The following EPB41L4A variants were observed in gnomAD, a reference collection of about 807,000 sequenced individuals.
The protein encoded by EPB41L4A is erythrocyte membrane protein band 4.1 like 4A.
EPB41L4A carries 100 observed loss-of-function variants against 108.6 expected under a neutral mutation model. The ratio of observed to expected loss-of-function variants is 0.92; its 90% CI spans 0.78 to 1.09. EPB41L4A has a LOEUF of 1.09. Ranked by LOEUF, EPB41L4A falls within the 50% of genes least tolerant of loss-of-function variation. The probability of loss-of-function intolerance (pLI) is 0.00; values close to 1 mark genes in which losing one functional copy is unlikely to be tolerated. For synonymous variants in EPB41L4A, 319 were observed against 289.0 expected, an observed-to-expected ratio of 1.10 and a Z score of -1.05; for missense variants, 1,030 against 842.7, an observed-to-expected ratio of 1.22 and a Z score of -2.75.
intron 2 of EPB41L4A, among the ~76,000 whole-genome samples, chr5:112,302,820 C>A (rs893807357): frequency 6.6e-6 from 1 of 152,194 alleles, no homozygotes; most frequent in Non-Finnish European, 1.5e-5. Context: ...ACACATTCGT[C>A]AGCAGGAAAC....
intron 1 of EPB41L4A, among the ~76,000 whole-genome samples, chr5:112,328,713 C>T (rs1465710372): frequency 6.6e-6 from 1 of 152,150 alleles, no homozygotes; most frequent in Non-Finnish European, 1.5e-5. Flanking sequence ...CACTTTTATT[C>T]CTGAAATGGC....
At chr5:112,192,709 T>C (rs1303005200) in intron 17 of EPB41L4A, among the ~76,000 whole-genome samples, 1 of 152,354 alleles carries the variant, frequency 6.6e-6, no homozygotes, top group Non-Finnish European at 1.5e-5. Context: ...AATTATTTGA[T>C]GGCAACCTTT....
chr5:112,394,266 A>C (rs916257494), intron 1 of EPB41L4A, among the ~76,000 whole-genome samples: 1 of 152,204 alleles, frequency 6.6e-6, no homozygotes, highest in Non-Finnish European at 1.5e-5. Flanking sequence ...AGAGAAATAA[A>C]AGGTATTCAA....
intron 2 of EPB41L4A, among the ~76,000 whole-genome samples, chr5:112,304,339 A>C (rs1754557907): frequency 2.6e-5 from 4 of 152,168 alleles, no homozygotes; most frequent in Admixed American, 2.6e-4. Flanking sequence ...CATTAAAGTA[A>C]GACATAACTA....
chr5:112,362,076 T>C (rs556243508), intron 1 of EPB41L4A, among the ~76,000 whole-genome samples: 2 of 152,230 alleles, frequency 1.3e-5, no homozygotes, highest in East Asian at 3.9e-4. Flanking sequence ...CCATTTTAAG[T>C]ATGTAACACA....
intron 9 of EPB41L4A, among the ~76,000 whole-genome samples, chr5:112,248,838 A>C (rs1483520495): frequency 6.6e-6 from 1 of 152,078 alleles, no homozygotes; most frequent in Admixed American, 6.6e-5. Context: ...GCCTAGTCCC[A>C]TTTCAGTGCC....
chr5:112,300,450 T>C (rs1212505842), intron 2 of EPB41L4A, among the ~76,000 whole-genome samples: 2 of 152,202 alleles, frequency 1.3e-5, no homozygotes, highest in African/African-American at 4.8e-5. Context: ...ATAATTGTTT[T>C]GTTTAAGGAG....
At chr5:112,386,730 G>C (rs943349241) in intron 1 of EPB41L4A, among the ~76,000 whole-genome samples, 2 of 152,198 alleles carry the variant, frequency 1.3e-5, no homozygotes, top group Admixed American at 6.5e-5. Context: ...TTAGGTTACA[G>C]ATTCAGTCAT....
intron 4 of EPB41L4A, among the ~76,000 whole-genome samples, chr5:112,267,523 A>AC (rs1751948429): frequency 6.6e-6 from 1 of 152,006 alleles, no homozygotes; most frequent in Non-Finnish European, 1.5e-5. Context: ...AGTAAATGGC[A>AC]CCCCCGCCTT....
intron 1 of EPB41L4A, among the ~76,000 whole-genome samples, chr5:112,345,133 G>A (rs1182539670): frequency 6.6e-6 from 1 of 152,130 alleles, no homozygotes; most frequent in Non-Finnish European, 1.5e-5. Flanking sequence ...CTGACCACAG[G>A]CTCCCTTTGG....
rs537983854 is a variant in EPB41L4A at position 112,259,172 on chromosome 5, C to T, written c.795+57G>A. 5 of 1,331,736 alleles carry T rather than the reference C, an allele frequency of 3.8e-6. No individual in the cohort carries two copies. In the Admixed American group the frequency reaches 7.0e-5, roughly 19 times the overall value. The allele number at this position is 1,331,736 out of a possible 1,614,324, so 82.5% of individuals were successfully genotyped here. On this transcript the variant is annotated intron_variant, in intron 9 of 22. Coordinates refer to ENST00000261486, the MANE Select transcript of EPB41L4A (RefSeq NM_022140.5). ...TTTCTTCACAATGTCTTTTAAGCTACAAATGAACACACAAGACACCCCTCT... is the reference window on the plus strand; with the variant it reads ...TTTCTTCACAATGTCTTTTAAGCTATAAATGAACACACAAGACACCCCTCT...
At chr5:112,180,629 C>G (rs777473940) in intron 18 of EPB41L4A, among the ~76,000 whole-genome samples, 1 of 144,848 alleles carries the variant, frequency 6.9e-6, no homozygotes, top group Non-Finnish European at 1.5e-5. Flanking sequence ...TCTTTGTGAC[C>G]ATGAGGTAAG....
Position 112,331,136 on chromosome 5 carries a change from T to C in EPB41L4A, c.100-23646A>G, listed in dbSNP as rs148128693. On this transcript the variant is annotated intron_variant, in intron 1 of 22. Coordinates refer to ENST00000261486, the MANE Select transcript of EPB41L4A (RefSeq NM_022140.5). ...CCCACTTCTTAATACTCACACAAATTTGGAAAAGTTTCTTAACTCTCTGTG... is the reference window on the plus strand; with the variant it reads ...CCCACTTCTTAATACTCACACAAATCTGGAAAAGTTTCTTAACTCTCTGTG... 4.3e-3 allele frequency among the ~76,000 whole-genome samples: 659 copies of C among 152,246 alleles called. 14 individuals are homozygous for C. The highest frequency in any genetic ancestry group is 0.035 in the Admixed American group (538 of 15,298).
At chr5:112,389,939 G>A (rs1311506960) in intron 1 of EPB41L4A, among the ~76,000 whole-genome samples, 1 of 152,146 alleles carries the variant, frequency 6.6e-6, no homozygotes, top group Non-Finnish European at 1.5e-5. Flanking sequence ...CAATAAGGAG[G>A]GATGGCATGA....
intron 1 of EPB41L4A, among the ~76,000 whole-genome samples, chr5:112,388,528 A>G (rs999012931): frequency 6.6e-6 from 1 of 152,190 alleles, no homozygotes; most frequent in African/African-American, 2.4e-5. Context: ...ATGTGCATTC[A>G]GGGGTCAGAA....
intron 1 of EPB41L4A, among the ~76,000 whole-genome samples, chr5:112,342,609 G>C (rs921540598): frequency 6.6e-6 from 1 of 152,148 alleles, no homozygotes; most frequent in Non-Finnish European, 1.5e-5. Flanking sequence ...ATTGTTCCTA[G>C]TCGAGCAAGA....
chr5:112,240,164 C>G (rs1452609270), intron 10 of EPB41L4A, among the ~76,000 whole-genome samples: 4 of 152,194 alleles, frequency 2.6e-5, no homozygotes, highest in African/African-American at 9.6e-5. Context: ...CCTTCTCATA[C>G]TCTAGACTGG....
intron 1 of EPB41L4A, among the ~76,000 whole-genome samples, chr5:112,418,382 T>C (rs1375748039): frequency 1.3e-5 from 2 of 152,214 alleles, no homozygotes; most frequent in African/African-American, 4.8e-5. Context: ...CTTTGAGAGA[T>C]GTTTACTTAA....
chr5:112,233,342 C>T (rs1173675720), intron 12 of EPB41L4A, among the ~76,000 whole-genome samples: 1 of 152,182 alleles, frequency 6.6e-6, no homozygotes, highest in Non-Finnish European at 1.5e-5. Flanking sequence ...ATGGTGAGAA[C>T]ACTTATCAGA....
Sources: allele counts gnomAD v4.1 joint callset (sites outside exome capture counted in the v4.1 genomes callset), GRCh38; gene constraint gnomAD v4.1.1; transcripts MANE v1.5; gene names NCBI Gene and HGNC (gene_info 2026-07-23, HGNC 2026-07-21).